ERLIN2: variants seen among roughly 807,000 people sequenced by gnomAD.
ERLIN2 encodes ER lipid raft associated 2.
Under a neutral mutation model 41.5 loss-of-function variants are expected in ERLIN2, and 22 were observed. The observed-to-expected ratio is 0.53, with a 90% CI of 0.38 to 0.76. The LOEUF is 0.76. Ranked by LOEUF, ERLIN2 falls within the 30% of genes least tolerant of loss-of-function variation. ERLIN2 has a pLI of 0.00. For synonymous variants in ERLIN2, 149 were observed against 150.9 expected (o/e 0.99, Z 0.09); for missense variants, 247 against 414.3 (o/e 0.60, Z 3.51).
Position 37,744,572 on chromosome 8 carries a change from G to GT in ERLIN2, c.301dup (p.Tyr101LeufsTer2), listed in dbSNP as rs1802971656. On this transcript the variant is annotated frameshift_variant and splice_region_variant, in exon 6 of 12. Coordinates refer to ENST00000519638, the MANE Select transcript of ERLIN2 (RefSeq NM_007175.8). LOFTEE classifies it high-confidence loss of function. ...CCAAGCCCTCTCCTTCCCTCTCAGT[G>GT]TATGATATAGTGAAGAACTATACTG... The GT allele has an allele frequency of 9.9e-6, 16 of 1,614,126 alleles. No individual in the cohort carries two copies. The highest frequency in any genetic ancestry group is 1.4e-5 in the Non-Finnish European group (16 of 1,180,024).
At chr8:37,737,502 C>T (rs1802692657) in intron 1 of ERLIN2, 2 of 249,178 alleles carry the variant, frequency 8.0e-6, no homozygotes, top group South Asian at 9.1e-5. Flanking sequence ...ATAGCCACAA[C>T]TGCCTGTCAT....
Position 37,744,716 on chromosome 8 carries a change from G to C in ERLIN2, c.424+20G>C. 7.4e-6 allele frequency: 12 copies of C among 1,614,118 alleles called. No individual in the cohort carries two copies. The highest frequency in any genetic ancestry group is 1.0e-5 in the Non-Finnish European group (12 of 1,179,996). ...TGTTTGGTAAGAAAGTCTCTCCTGA[G>C]CATGCCGTGCTTAAGCAGGGTTCCT... On this transcript the variant is annotated intron_variant, in intron 6 of 11. Transcript: ENST00000519638.
At position 37,740,398 on chromosome 8, in the gene ERLIN2, T is replaced by C. The variant is rs1802809516; in HGVS notation, c.141T>C (p.Pro47=). The change falls in exon 3 of 12, where the codon CCT becomes CCC. Residue 47 remains proline (P), a synonymous_variant. Transcript: ENST00000519638. ...GGALLTSTSG[P]GFHLMLPFIT... ...CCCTGCTGACTTCGACCAGCGGCCC[T>C]GGTTTCCATCTCATGCTCCCTTTCA... is the stretch of plus-strand genomic sequence containing the variant. 6.2e-7 allele frequency: 1 copy of C among 1,613,104 alleles called. No homozygotes were observed. Among genetic ancestry groups the C allele is most frequent in the East Asian group, 2.2e-5 (1 of 44,788 alleles).
chr8:37,739,893 C>T (rs951328209), intron 2 of ERLIN2, among the ~76,000 whole-genome samples: 1 of 152,010 alleles, frequency 6.6e-6, no homozygotes. Flanking sequence ...ACATCCTCAA[C>T]CTCCCAGGCT....
intron 9 of ERLIN2, among the ~76,000 whole-genome samples, chr8:37,750,827 T>A (rs991511390): frequency 6.6e-6 from 1 of 152,134 alleles, no homozygotes; most frequent in Non-Finnish European, 1.5e-5. Flanking sequence ...GTTCAAGTGA[T>A]TCTCCTGTCT....
At chr8:37,739,245 G>A (rs1802768481) in intron 2 of ERLIN2, among the ~76,000 whole-genome samples, 2 of 152,072 alleles carry the variant, frequency 1.3e-5, no homozygotes, top group South Asian at 2.1e-4. Flanking sequence ...CTGCTTACAT[G>A]TTCCCCAAAA....
rs189842362 is a variant in ERLIN2 at position 37,758,074 on chromosome 8, C to G, written c.*3959C>G. 6.6e-6 allele frequency: 1 copy of G among 152,324 alleles called. No homozygotes were observed. The highest frequency in any genetic ancestry group is 1.9e-4 in the East Asian group (1 of 5,192). 9.4% of individuals were successfully genotyped at this position (152,324 alleles called of 1,614,324 possible). On this transcript the variant is annotated 3_prime_UTR_variant, in exon 12 of 12. Transcript: ENST00000519638. ...GTCTAAGTACTATGTGTCCTAAACA[C>G]TGCATGAGACATACTCATACCAAAG...
chr8:37,741,657 G>T lies in ERLIN2; in HGVS notation c.190-115G>T. 1 of 827,216 alleles carries T rather than the reference G, an allele frequency of 1.2e-6. No individual in the cohort carries two copies. Among genetic ancestry groups the T allele is most frequent in the East Asian group, 2.5e-5 (1 of 39,656 alleles). The allele number at this position is 827,216 out of a possible 1,614,324, so 51.2% of individuals were successfully genotyped here. On this transcript the variant is annotated intron_variant, in intron 3 of 11. Transcript: ENST00000519638. The surrounding 1 kb of genome is among the most constrained non-coding windows in gnomAD (Gnocchi z 4.8). Reference sequence around the variant, plus strand: ...ATTAGGTGGGGTAATCATGTTTAATGAAGGCCATGCTCAACCCAAACAGTT... The same window carrying T: ...ATTAGGTGGGGTAATCATGTTTAATTAAGGCCATGCTCAACCCAAACAGTT...
Position 37,744,338 on chromosome 8 carries a change from C to T in ERLIN2, c.237-17C>T. ...TAAGGCTTCCCAGTGACTTCTTGTC[C>T]ATTCTCCCTCCAATAGTGGTGGTGT... On this transcript the variant is annotated splice_polypyrimidine_tract_variant and intron_variant, in intron 4 of 11. Transcript: ENST00000519638. 1 of 1,610,284 alleles carries T rather than the reference C, an allele frequency of 6.2e-7. No individual in the cohort carries two copies.
Position 37,747,099 on chromosome 8 carries a change from CA to C in ERLIN2, c.424+2409del, listed in dbSNP as rs1396013930. On this transcript the variant is annotated intron_variant, in intron 6 of 11. Transcript: ENST00000519638. Reference sequence around the variant, plus strand: ...GCTGAAGAAGTTTGCATCAAATGGACAAAAAATAGTAAAGAAAATCTAAATA... The same window carrying C: ...GCTGAAGAAGTTTGCATCAAATGGACAAAAATAGTAAAGAAAATCTAAATA... 1.2e-4 allele frequency among the ~76,000 whole-genome samples: 18 copies of C among 146,412 alleles called. 1 individual carries two copies. Among genetic ancestry groups the C allele is most frequent in the African/African-American group, 4.6e-4 (18 of 39,148 alleles).
intron 4 of ERLIN2, among the ~76,000 whole-genome samples, chr8:37,743,450 A>T (rs900284069): frequency 6.6e-6 from 1 of 152,202 alleles, no homozygotes; most frequent in Non-Finnish European, 1.5e-5. Context: ...AAGAAGAGAG[A>T]AAAAGGTCTT....
chr8:37,736,685 G>A lies in ERLIN2; in HGVS notation c.-16+7G>A, dbSNP rs12679022. The A allele has an allele frequency of 2.9e-4, 283 of 985,636 alleles. No homozygotes were observed. The East Asian group carries it at 8.6e-3, about 30-fold the overall frequency. 61.1% of individuals were successfully genotyped at this position (985,636 alleles called of 1,614,324 possible). ...CGCCTGCAGGGACAGCCTGGTACGC[G>A]GCCCCCGCCCCTTCGTGCGCGCGCT... On this transcript the variant is annotated splice_region_variant and intron_variant, in intron 1 of 11. Coordinates refer to ENST00000519638, the MANE Select transcript of ERLIN2 (RefSeq NM_007175.8).
At chr8:37,738,758 G>T (rs1177617631) in intron 2 of ERLIN2, among the ~76,000 whole-genome samples, 2 of 152,030 alleles carry the variant, frequency 1.3e-5, no homozygotes, top group African/African-American at 4.8e-5. Context: ...GGCAGCACGT[G>T]CCTGTAATCC....
chr8:37,745,255 T>G, intron 6 of ERLIN2: 1 of 471,914 alleles, frequency 2.1e-6, no homozygotes, highest in Non-Finnish European at 3.7e-6. Flanking sequence ...AGAAGTGAGA[T>G]GAGAACCATA....
At chr8:37,737,728 A>G (rs1802701634) in intron 1 of ERLIN2, 180 bp from the exon 2 acceptor site, 3 of 656,752 alleles carry the variant, frequency 4.6e-6, no homozygotes, top group Admixed American at 2.7e-5. Flanking sequence ...CAGTTAAAGA[A>G]AGGGGAACGT....
At chr8:37,751,374 G>A (rs908854572) in intron 9 of ERLIN2, among the ~76,000 whole-genome samples, 3 of 152,216 alleles carry the variant, frequency 2.0e-5, no homozygotes, top group African/African-American at 7.2e-5. Context: ...TATTCCTTTG[G>A]GAGAAGTTCC....
intron 4 of ERLIN2, among the ~76,000 whole-genome samples, chr8:37,742,484 C>G (rs944577235): frequency 2.3e-5 from 2 of 88,308 alleles, no homozygotes; most frequent in Non-Finnish European, 4.4e-5. Context: ...TAAAAAGGAA[C>G]AAGATCATGT....
chr8:37,751,009 G>A (rs1368144503), intron 9 of ERLIN2, among the ~76,000 whole-genome samples: 2 of 152,122 alleles, frequency 1.3e-5, no homozygotes, highest in African/African-American at 4.8e-5. Flanking sequence ...GTGAGCCACC[G>A]TGCCCAGCCT....
At position 37,753,884 on chromosome 8, in the gene ERLIN2, A is replaced by C. The variant is rs534964014; in HGVS notation, c.820-31A>C. On this transcript the variant is annotated intron_variant, in intron 11 of 11. Coordinates refer to ENST00000519638, the MANE Select transcript of ERLIN2 (RefSeq NM_007175.8). ...CTCCTTCTCTAATATGGTTCAACAT[A>C]AGTCTTCCATACTTTTTTTTTTTTT... The C allele has an allele frequency of 3.2e-6, 5 of 1,585,024 alleles. No individual in the cohort carries two copies. The East Asian group carries it at 1.1e-4, about 35-fold the overall frequency.
Sources: gnomAD v4.1 joint callset for allele counts (sites outside exome capture counted in the v4.1 genomes callset) on GRCh38, gnomAD v4.1.1 for gene constraint, Gnocchi (gnomAD v3.1) non-coding constraint, MANE v1.5 for transcripts, NCBI Gene and HGNC (gene_info 2026-07-23, HGNC 2026-07-21) for gene names.